Variants in MAGI3 observed in about 807,000 individuals in gnomAD.
MAGI3 encodes the protein membrane-associated guanylate kinase, WW and PDZ domain-containing protein 3.
A neutral mutation model predicts 121.8 loss-of-function variants in MAGI3; 43 were observed. The ratio of observed to expected loss-of-function variants is 0.35; its 90% CI spans 0.28 to 0.46. MAGI3 has a LOEUF of 0.46. Ranked by LOEUF, MAGI3 falls within the 20% of genes least tolerant of loss-of-function variation. The probability of loss-of-function intolerance (pLI) is 1.00; values close to 1 mark genes in which losing one functional copy is unlikely to be tolerated. For missense variants in MAGI3, 1,547 were observed against 1,797.3 expected (o/e 0.86, Z 2.52); for synonymous variants, 553 against 639.3 (o/e 0.86, Z 2.04).
At chr1:113,583,570 T>C (rs1648173814) in intron 3 of MAGI3, among the ~76,000 whole-genome samples, 1 of 152,154 alleles carries the variant, frequency 6.6e-6, no homozygotes, top group Non-Finnish European at 1.5e-5. Flanking sequence ...TTTATTTCTG[T>C]CATGGTATAT....
chr1:113,635,620 C>T (rs1157754096), intron 9 of MAGI3, among the ~76,000 whole-genome samples: 13 of 151,330 alleles, frequency 8.6e-5, no homozygotes, highest in Admixed American at 2.0e-4. Flanking sequence ...CTGCTGGATT[C>T]GGTTTGCCAG....
At chr1:113,489,556 C>G (rs538303388) in intron 1 of MAGI3, among the ~76,000 whole-genome samples, 162 of 152,098 alleles carry the variant, frequency 1.1e-3, no homozygotes, top group Non-Finnish European at 1.8e-3. Context: ...GTTGAAATCA[C>G]AGAAATAAGA....
chr1:113,600,194 T>G (rs1308963465), intron 6 of MAGI3, among the ~76,000 whole-genome samples: 1 of 152,132 alleles, frequency 6.6e-6, no homozygotes, highest in East Asian at 1.9e-4. Flanking sequence ...CCACTCCTAT[T>G]CAACATAGTG....
At chr1:113,622,600 A>G (rs1278132097) in intron 8 of MAGI3, among the ~76,000 whole-genome samples, 1 of 152,204 alleles carries the variant, frequency 6.6e-6, no homozygotes, top group African/African-American at 2.4e-5. Context: ...GTTGAATAGT[A>G]TCCAAACTTT....
At chr1:113,602,041 G>A (rs1262690350) in intron 6 of MAGI3, among the ~76,000 whole-genome samples, 1 of 152,052 alleles carries the variant, frequency 6.6e-6, no homozygotes, top group East Asian at 1.9e-4. Flanking sequence ...ATGGACACAG[G>A]AAGGGGAACA....
At chr1:113,661,364 A>G (rs1557880004) in intron 16 of MAGI3, among the ~76,000 whole-genome samples, 1 of 152,224 alleles carries the variant, frequency 6.6e-6, no homozygotes, top group Non-Finnish European at 1.5e-5. Context: ...AACTAATACA[A>G]TAATCCTAGG....
chr1:113,559,802 C>G (rs536126295), intron 2 of MAGI3, among the ~76,000 whole-genome samples: 224 of 152,210 alleles, frequency 1.5e-3, no homozygotes, highest in African/African-American at 5.3e-3. Context: ...AATTCCTGAC[C>G]TCAAGTGGTC....
At chr1:113,678,386 T>C (rs1648008529) in intron 19 of MAGI3, among the ~76,000 whole-genome samples, 1 of 152,358 alleles carries the variant, frequency 6.6e-6, no homozygotes, top group Non-Finnish European at 1.5e-5. Context: ...GTTTCACTTA[T>C]ATATTCTGGA....
At chr1:113,667,689 T>C (rs1041692432) in intron 16 of MAGI3, among the ~76,000 whole-genome samples, 6 of 152,262 alleles carry the variant, frequency 3.9e-5, no homozygotes, top group African/African-American at 1.4e-4. Context: ...ACAAGAGGTC[T>C]AGCTTTCAGC....
chr1:113,603,706 G>A (rs756729756), intron 6 of MAGI3, among the ~76,000 whole-genome samples: 17 of 152,020 alleles, frequency 1.1e-4, no homozygotes, highest in Non-Finnish European at 2.4e-4. Context: ...CTTCAGAATG[G>A]GAGAACATAT....
At chr1:113,676,658 AT>A (rs368898348) in intron 19 of MAGI3, among the ~76,000 whole-genome samples, 24 of 152,224 alleles carry the variant, frequency 1.6e-4, no homozygotes, top group African/African-American at 5.5e-4. Context: ...ATAAAATGTT[AT>A]TGATGACAAC....
At chr1:113,636,830 T>A (rs1301014563) in intron 9 of MAGI3, among the ~76,000 whole-genome samples, 3 of 152,066 alleles carry the variant, frequency 2.0e-5, no homozygotes, top group Non-Finnish European at 2.9e-5. Flanking sequence ...CAGTGGGGTG[T>A]TAAAGTCTCC....
At chr1:113,420,808 G>A (rs191411157) in intron 1 of MAGI3, among the ~76,000 whole-genome samples, 1 of 152,222 alleles carries the variant, frequency 6.6e-6, no homozygotes, top group East Asian at 1.9e-4. Flanking sequence ...TCACTTTCAG[G>A]TAGACTCAAA....
intron 1 of MAGI3, among the ~76,000 whole-genome samples, chr1:113,395,685 A>G (rs952103170): frequency 2.0e-5 from 3 of 151,994 alleles, no homozygotes; most frequent in South Asian, 2.1e-4. Flanking sequence ...ATACACACAC[A>G]CATACTTTTG....
chr1:113,640,425 G>A (rs574136010), intron 9 of MAGI3, among the ~76,000 whole-genome samples: 2 of 152,232 alleles, frequency 1.3e-5, no homozygotes, highest in Non-Finnish European at 1.5e-5. Flanking sequence ...AAAGACACAT[G>A]CACACGTATG....
chr1:113,581,394 G>A (rs570960777), intron 3 of MAGI3, among the ~76,000 whole-genome samples: 14 of 152,152 alleles, frequency 9.2e-5, no homozygotes, highest in South Asian at 4.1e-4. Context: ...GGAATTCAGC[G>A]TATCTAAATA....
intron 1 of MAGI3, chr1:113,450,215 A>G: frequency 3.1e-6 from 5 of 1,587,432 alleles, no homozygotes; most frequent in Non-Finnish European, 4.3e-6. Flanking sequence ...AATGGGCATA[A>G]TTGTGAAGTG....
chr1:113,430,965 A>G (rs954882726), intron 1 of MAGI3, among the ~76,000 whole-genome samples: 1 of 152,222 alleles, frequency 6.6e-6, no homozygotes, highest in African/African-American at 2.4e-5. Context: ...TTAAAAAGGC[A>G]TGACAACAAA....
chr1:113,529,754 TAAAAC>T (rs1462847870), intron 1 of MAGI3, among the ~76,000 whole-genome samples: 4 of 152,052 alleles, frequency 2.6e-5, no homozygotes, highest in African/African-American at 9.7e-5. Context: ...AACCATGAAA[TAAAAC>T]AAAATATAAT....
Sources: gnomAD v4.1 joint callset for allele counts (sites outside exome capture counted in the v4.1 genomes callset) on GRCh38, gnomAD v4.1.1 for gene constraint, MANE v1.5 for transcripts, NCBI Gene and HGNC (gene_info 2026-07-23, HGNC 2026-07-21) for gene names.